Variants in SSR4 observed in about 807,000 individuals in gnomAD.
The protein encoded by SSR4 is signal sequence receptor subunit 4, also known as translocon-associated protein subunit delta.
For missense variants in SSR4, 125 were observed against 148.8 expected, an observed-to-expected ratio of 0.84 and a Z score of 0.83; for synonymous variants, 84 against 65.6, an observed-to-expected ratio of 1.28 and a Z score of -1.35.
intron 1 of SSR4, chrX:153,795,709 C>G (rs1339878624): frequency 1.1e-5 from 8 of 753,899 alleles, no homozygotes; most frequent in Non-Finnish European, 1.3e-5. Context: ...CTGACGTCCT[C>G]TGCTGAAGCC....
upstream of SSR4, chrX:153,794,539 C>T (rs1283246582): frequency 3.4e-6 from 4 of 1,167,726 alleles, no homozygotes; most frequent in East Asian, 3.2e-5. Flanking sequence ...CAGGGAGGGG[C>T]CACGTCAGTG....
chrX:153,795,827 T>C (rs1557072189), intron 1 of SSR4: 1 of 754,104 alleles, frequency 1.3e-6, no homozygotes, highest in East Asian at 1.5e-4. Context: ...CTTCCTTTCC[T>C]TTGGGCCTCT....
intron 2 of SSR4, chrX:153,796,764 G>A (rs781922507): frequency 7.9e-5 from 31 of 394,586 alleles, no homozygotes; most frequent in Non-Finnish European, 9.2e-5. Context: ...GTAACCCTGG[G>A]CTCACCACCC....
upstream of SSR4, chrX:153,794,496 A>AG (rs782054111): frequency 6.6e-5 from 76 of 1,155,519 alleles, no homozygotes; most frequent in Admixed American, 1.3e-4. Flanking sequence ...CGCCATGTTG[A>AG]GGGGGGGACC....
chrX:153,797,836 T>C (rs1337133383), intron 4 of SSR4, 22 bp downstream of exon 4: 14 of 1,133,643 alleles, frequency 1.2e-5, no homozygotes, highest in Non-Finnish European at 1.6e-5. Flanking sequence ...TGTAGCCCAC[T>C]GTGCTCCCCT....
chrX:153,794,692 C>T lies in SSR4; in HGVS notation c.5C>T (p.Ala2Val). ...CCTCTAGGCAGAGAAGAGGCGATGG[C>T]GGCGATGGCATCTCTCGGCGCCCTG... M[A>V]AMASLGALAL... is the part of the protein sequence containing the mutation. The change falls in exon 1 of 6, where the codon GCG (alanine) becomes GTG (valine). Residue 2 changes from alanine (A) to valine (V), a missense_variant. Physicochemically the swap from Ala to Val is moderately conservative, Grantham distance 64. Transcript: ENST00000370086. The T allele has an allele frequency of 1.7e-6, 2 of 1,212,091 alleles. No individual in the cohort carries two copies. The highest frequency in any genetic ancestry group is 2.2e-6 in the Non-Finnish European group (2 of 895,328).
At chrX:153,795,871 C>T (rs1331627590) in intron 1 of SSR4, 94 of 749,844 alleles carry the variant, frequency 1.3e-4, no homozygotes, top group Non-Finnish European at 1.4e-4. Context: ...GGTCCTTTCT[C>T]TCACAGCTAA....
chrX:153,794,788 C>T lies in SSR4; in HGVS notation c.67+34C>T, dbSNP rs782582757. 842 of 1,198,521 alleles carry T rather than the reference C, an allele frequency of 7.0e-4. 6 individuals carry two copies. The South Asian group carries it at 0.015, about 21-fold the overall frequency. ...CCAGCCGGGGCTTCTTTCTTGCGAG[C>T]CTCTGACCCACGGCAGGTGGTGTTG... On this transcript the variant is annotated intron_variant, in intron 1 of 5. Transcript: ENST00000370086.
rs781817133 is a variant in SSR4, at chrX:153,796,423, C to T, written c.68-11C>T. 1 of 1,172,597 alleles carries T rather than the reference C, an allele frequency of 8.5e-7. No homozygotes were observed. Among genetic ancestry groups the T allele is most frequent in the African/African-American group, 1.7e-5 (1 of 57,157 alleles). ...TGGCCTTACCCAGGCATCTCTCCCT[C>T]TTCCCCGCAGCCGAGGCCTGCCTGG... On this transcript the variant is annotated splice_polypyrimidine_tract_variant and intron_variant, in intron 1 of 5. Coordinates refer to ENST00000370086, the MANE Select transcript of SSR4 (RefSeq NM_006280.3).
At chrX:153,798,023 A>AACCCC in intron 4 of SSR4, 48 bp from the exon 5 acceptor site, 1 of 526,574 alleles carries the variant, frequency 1.9e-6, no homozygotes. Context: ...CCACCCCCAC[A>AACCCC]CGCCAGGCAC....
chrX:153,794,505 C>G, upstream of SSR4: 1 of 1,159,757 alleles, frequency 8.6e-7, no homozygotes, highest in Non-Finnish European at 1.2e-6. Context: ...GAGGGGGGGA[C>G]CGCGACCAGC....
intron 5 of SSR4, 72 bp from the exon 6 acceptor site, chrX:153,798,257 G>T (rs1326544662): frequency 2.5e-6 from 3 of 1,182,501 alleles, no homozygotes; most frequent in Admixed American, 2.2e-5. Context: ...TCCCCTGGCG[G>T]AAGGTGACCA....
intron 2 of SSR4, 191 bp from the exon 3 acceptor site, chrX:153,797,267 C>T (rs951665637): frequency 1.8e-5 from 8 of 448,606 alleles, no homozygotes; most frequent in Admixed American, 1.1e-4. Context: ...CTTGTGCCCC[C>T]GTAGGGAAGA....
At chrX:153,797,250 A>G in intron 2 of SSR4, 1 of 437,462 alleles carries the variant, frequency 2.3e-6, no homozygotes, top group Non-Finnish European at 4.0e-6. Context: ...GGCCATGGGG[A>G]TCTGGCCTTG....
intron 4 of SSR4, 101 bp from the exon 5 acceptor site, chrX:153,797,970 G>T: frequency 2.1e-6 from 2 of 968,092 alleles, no homozygotes; most frequent in South Asian, 2.0e-5. Context: ...TTCCTTTTCT[G>T]GGGCTTGGGC....
chrX:153,797,344 G>A, intron 2 of SSR4, 114 bp from the exon 3 acceptor site: 1 of 613,380 alleles, frequency 1.6e-6, no homozygotes, highest in Non-Finnish European at 2.7e-6. Context: ...GGACACTGCA[G>A]CCCCCAACTG....
At chrX:153,794,530 A>T, upstream of SSR4, 1 of 1,165,699 alleles carries the variant, frequency 8.6e-7, no homozygotes, top group Non-Finnish European at 1.1e-6. Flanking sequence ...CCCCTGGCTC[A>T]GGGAGGGGCC....
At chrX:153,794,528 T>TCAGGGAGGGGCCACGTCAGTGCTGC (rs1421708047), upstream of SSR4, 5 of 1,164,399 alleles carry the variant, frequency 4.3e-6, no homozygotes. Context: ...GGCCCCTGGC[T>TCAGGGAGGGGCCACGTCAGTGCTGC]CAGGGAGGGG....
At chrX:153,796,735 T>G in intron 2 of SSR4, 183 bp downstream of exon 2, 2 of 444,608 alleles carry the variant, frequency 4.5e-6, no homozygotes, top group South Asian at 6.6e-5. Flanking sequence ...ACCTGCTTTG[T>G]GTGCTGTGCC....
Sources: gnomAD v4.1 joint callset for allele counts on GRCh38, gnomAD v4.1.1 for gene constraint, MANE v1.5 for transcripts, NCBI Gene and HGNC (gene_info 2026-07-23, HGNC 2026-07-21) for gene names.